Variants in PPFIBP2 observed in about 807,000 individuals in gnomAD.
PPFIBP2 encodes the protein PPFIB scaffold protein 2, also known as liprin-beta-2.
Under a neutral mutation model 118.3 loss-of-function variants are expected in PPFIBP2, and 118 were observed. The ratio of observed to expected loss-of-function variants is 1.00; its 90% CI spans 0.86 to 1.16. PPFIBP2 has a LOEUF of 1.16. Among genes scored for constraint, PPFIBP2 ranks in the 50% most tolerant of loss-of-function variants. The pLI is 0.00. For synonymous variants in PPFIBP2, 414 were observed against 397.4 expected (o/e 1.04, Z -0.50); for missense variants, 1,195 against 1,073.1 (o/e 1.11, Z -1.59).
chr11:7,658,213 G>A (rs186907233), downstream of PPFIBP2, among the ~76,000 whole-genome samples: 1,332 of 150,868 alleles, frequency 8.8e-3, 20 homozygotes, highest in African/African-American at 0.031. Context: ...AGTTACATAT[G>A]TATACATGTG....
At chr11:7,560,050 A>G (rs1854120962) in intron 2 of PPFIBP2, among the ~76,000 whole-genome samples, 1 of 152,186 alleles carries the variant, frequency 6.6e-6, no homozygotes. Context: ...GCACATGGCT[A>G]GCTTACCAAG....
At chr11:7,581,845 T>C (rs1216554566) in intron 3 of PPFIBP2, among the ~76,000 whole-genome samples, 3 of 152,122 alleles carry the variant, frequency 2.0e-5, no homozygotes, top group Admixed American at 6.5e-5. Flanking sequence ...AGATAGATTT[T>C]TTTTTTTTTG....
downstream of PPFIBP2, chr11:7,657,191 C>T (rs568017655): frequency 1.4e-3 from 301 of 211,682 alleles, no homozygotes; most frequent in Non-Finnish European, 2.5e-3. Flanking sequence ...AAAAAAGTTC[C>T]GAAAAACTGT....
intron 1 of PPFIBP2, among the ~76,000 whole-genome samples, chr11:7,522,481 A>T (rs1175964448): frequency 6.6e-6 from 1 of 152,232 alleles, no homozygotes; most frequent in Non-Finnish European, 1.5e-5. Flanking sequence ...AACCTACCCA[A>T]GATCACTTAG....
intron 5 of PPFIBP2, among the ~76,000 whole-genome samples, chr11:7,602,748 A>C (rs901224172): frequency 2.0e-5 from 3 of 152,132 alleles, no homozygotes; most frequent in Non-Finnish European, 2.9e-5. Context: ...CTCCCTACCG[A>C]CCCAGAGCTT....
At chr11:7,631,542 C>T (rs1469608966) in intron 11 of PPFIBP2, among the ~76,000 whole-genome samples, 2 of 152,032 alleles carry the variant, frequency 1.3e-5, no homozygotes, top group Admixed American at 6.6e-5. Context: ...TCATCTATTT[C>T]GTTTGTTTAA....
At chr11:7,583,745 C>T (rs1021875408) in intron 3 of PPFIBP2, among the ~76,000 whole-genome samples, 1 of 152,216 alleles carries the variant, frequency 6.6e-6, no homozygotes, top group African/African-American at 2.4e-5. Context: ...TTAGGAGCTT[C>T]ATCCCAGCCC....
At chr11:7,654,598 A>C (rs71474920), downstream of PPFIBP2, among the ~76,000 whole-genome samples, 14,092 of 152,304 alleles carry the variant, frequency 0.093, 715 homozygotes, top group East Asian at 0.12. Context: ...TGTGGGGACA[A>C]GCTTGCCAGC....
In PPFIBP2 at chr11:7,648,392, C is replaced by T. The variant is rs1685585132; in HGVS notation, c.1652C>T (p.Ala551Val). Residue 551 changes from alanine to valine, a missense_variant, in exon 18 of 24, where the codon GCC (alanine) becomes GTC (valine). Physicochemically the swap from Ala to Val is moderately conservative, Grantham distance 64. Coordinates refer to ENST00000299492, the MANE Select transcript of PPFIBP2 (RefSeq NM_003621.5). ...GCTGTTTTCCTGCTTCCCAGTGACG[C>T]CAATGCCCCCTTTGCCCAGTGGAGC... Reference protein sequence around the residue: ...TRDSKGQKSDANAPFAQWSTE... With the variant: ...TRDSKGQKSDVNAPFAQWSTE... 1.9e-6 allele frequency: 3 copies of T among 1,611,320 alleles called. No homozygotes were observed. The highest frequency in any genetic ancestry group is 2.5e-6 in the Non-Finnish European group (3 of 1,177,750).
At chr11:7,568,989 A>G (rs10839815) in intron 3 of PPFIBP2, 25,417 of 152,214 alleles carry the variant, frequency 0.17, 2,145 homozygotes, top group African/African-American at 0.18. Flanking sequence ...TGTATCTTGT[A>G]CTGCTGCTGC....
chr11:7,630,428 C>T (rs549575356), intron 10 of PPFIBP2, among the ~76,000 whole-genome samples: 159 of 152,222 alleles, frequency 1.0e-3, no homozygotes, highest in Non-Finnish European at 2.0e-3. Flanking sequence ...TCTTGTGCCT[C>T]AGCCTCCTGA....
intron 12 of PPFIBP2, among the ~76,000 whole-genome samples, chr11:7,633,221 G>C (rs1436160209): frequency 6.6e-6 from 1 of 152,200 alleles, no homozygotes; most frequent in Admixed American, 6.5e-5. Context: ...TCTTATAGCA[G>C]CTCCTCAGAG....
chr11:7,605,936 T>C, intron 5 of PPFIBP2: 1 of 1,529,468 alleles, frequency 6.5e-7, no homozygotes, highest in East Asian at 2.5e-5. Flanking sequence ...GGTCAAAGAA[T>C]GTGAAGCCAG....
chr11:7,593,357 G>C (rs1292172001), intron 4 of PPFIBP2, 133 bp downstream of exon 4: 2 of 1,316,358 alleles, frequency 1.5e-6, no homozygotes, highest in Admixed American at 6.0e-5. Flanking sequence ...TTTTAGAAAA[G>C]ACTTTTCCTG....
the PPFIBP2 span, among the ~76,000 whole-genome samples, chr11:7,663,479 C>T: frequency 6.6e-6 from 1 of 152,298 alleles, no homozygotes; most frequent in Admixed American, 6.5e-5. Flanking sequence ...TGGTCAGGGA[C>T]CCACTTGAGG....
rs1003138475 is a variant in PPFIBP2, at chr11:7,645,616, G to A, written c.1647-2771G>A. 2.0e-5 allele frequency among the ~76,000 whole-genome samples: 3 copies of A among 152,206 alleles called. No homozygotes were observed. In the East Asian group the frequency reaches 5.8e-4, roughly 29 times the overall value. On this transcript the variant is annotated intron_variant, in intron 17 of 23. Transcript: ENST00000299492. ...GCTGGCACTGAGAGGAGCTGAGGAG[G>A]AGGTGCAGAAGCTGGGTCTGATTCT...
chr11:7,534,768 G>T (rs1361431894), intron 1 of PPFIBP2, among the ~76,000 whole-genome samples: 3 of 152,188 alleles, frequency 2.0e-5, no homozygotes, highest in Admixed American at 6.5e-5. Flanking sequence ...GACAAGGCTG[G>T]TCCATAAGCC....
chr11:7,555,584 G>A (rs1421537505), intron 2 of PPFIBP2, among the ~76,000 whole-genome samples: 1 of 152,150 alleles, frequency 6.6e-6, no homozygotes, highest in African/African-American at 2.4e-5. Flanking sequence ...GTTTCCCATT[G>A]CAGGTTGTGA....
chr11:7,637,795 T>C (rs867011146), intron 14 of PPFIBP2, among the ~76,000 whole-genome samples: 3 of 152,332 alleles, frequency 2.0e-5, no homozygotes, highest in Middle Eastern at 3.4e-3. Context: ...GAGAGCCCTT[T>C]CCATTGTCCT....
Sources: gnomAD v4.1 joint callset for allele counts (sites outside exome capture counted in the v4.1 genomes callset) on GRCh38, gnomAD v4.1.1 for gene constraint, MANE v1.5 for transcripts, NCBI Gene and HGNC (gene_info 2026-07-23, HGNC 2026-07-21) for gene names.